Variants in ATG4C observed in about 807,000 individuals in gnomAD.
ATG4C encodes the protein autophagy related 4C cysteine peptidase, also known as cysteine protease ATG4C.
In ATG4C, 56 loss-of-function variants were observed where a neutral mutation model predicts 57.6. The ratio of observed to expected loss-of-function variants is 0.97; its 90% CI spans 0.78 to 1.21. ATG4C has a LOEUF of 1.21. ATG4C is among the 50% of genes most tolerant of loss of function. The probability of loss-of-function intolerance (pLI) is 0.00; values close to 1 mark genes in which losing one functional copy is unlikely to be tolerated. For synonymous variants in ATG4C, 157 were observed against 174.1 expected (o/e 0.90, Z 0.78); for missense variants, 595 against 529.8 (o/e 1.12, Z -1.21).
chr1:62,788,188 C>T (rs990980011), intron 1 of ATG4C, among the ~76,000 whole-genome samples: 2 of 152,050 alleles, frequency 1.3e-5, no homozygotes, highest in Non-Finnish European at 2.9e-5. Context: ...GCTTTTAGCT[C>T]TTATTGAATA....
intron 3 of ATG4C, 107 bp downstream of exon 3, chr1:62,805,362 G>T: frequency 7.6e-7 from 1 of 1,312,126 alleles, no homozygotes; most frequent in East Asian, 3.1e-5. Context: ...TTTCTTTTAA[G>T]TATTTGTATT....
In ATG4C at chr1:62,793,596, C is replaced by CG. The variant is rs1352193458; in HGVS notation, c.-69+9324dup. ...TGGGCAACAGAGTAAGACCTTGTCTCGAAAAAAAAAAAAAAAAAAAAAAAC... is the reference window on the plus strand; with the variant it reads ...TGGGCAACAGAGTAAGACCTTGTCTCGGAAAAAAAAAAAAAAAAAAAAAAAC... On this transcript the variant is annotated intron_variant, in intron 1 of 10. Coordinates refer to ENST00000317868, the MANE Select transcript of ATG4C (RefSeq NM_032852.4). Among the ~76,000 whole-genome samples, 120 of 30,692 alleles carry CG rather than the reference C, an allele frequency of 3.9e-3. 2 individuals carry two copies. Among genetic ancestry groups the CG allele is most frequent in the African/African-American group, 0.011 (90 of 8,040 alleles). The allele number at this position is 30,692 out of a possible 152,430, so 20.1% of individuals were successfully genotyped here.
At chr1:62,816,242 C>T (rs544295678) in intron 3 of ATG4C, among the ~76,000 whole-genome samples, 7 of 151,982 alleles carry the variant, frequency 4.6e-5, no homozygotes, top group Non-Finnish European at 8.8e-5. Flanking sequence ...AGTGAGAAAT[C>T]TAATATCGTC....
intron 10 of ATG4C, among the ~76,000 whole-genome samples, chr1:62,851,005 G>A (rs1262336723): frequency 2.0e-5 from 3 of 149,352 alleles, no homozygotes; most frequent in African/African-American, 7.3e-5. Context: ...GTTTCTTTTT[G>A]TATCCCCAGT....
At chr1:62,833,971 A>G (rs1014627591) in intron 7 of ATG4C, 67 bp from the exon 8 acceptor site, 7 of 1,367,392 alleles carry the variant, frequency 5.1e-6, no homozygotes, top group Non-Finnish European at 7.2e-6. Flanking sequence ...TTAGTAATAG[A>G]AATTTGTTTG....
chr1:62,809,852 A>G (rs1665015662), intron 3 of ATG4C, among the ~76,000 whole-genome samples: 1 of 152,136 alleles, frequency 6.6e-6, no homozygotes, highest in Non-Finnish European at 1.5e-5. Flanking sequence ...AATGCAAAAT[A>G]AAATGAGATA....
At chr1:62,814,688 A>G (rs1665205584) in intron 3 of ATG4C, among the ~76,000 whole-genome samples, 1 of 152,122 alleles carries the variant, frequency 6.6e-6, no homozygotes, top group Admixed American at 6.6e-5. Flanking sequence ...TTGTGTCTTT[A>G]CATTTAGAAT....
chr1:62,827,318 A>G (rs1665694319), intron 6 of ATG4C, among the ~76,000 whole-genome samples: 1 of 151,726 alleles, frequency 6.6e-6, no homozygotes, highest in Non-Finnish European at 1.5e-5. Context: ...TTCTGCCTTA[A>G]GATACTCGCA....
At position 62,802,672 on chromosome 1, in the gene ATG4C, A is replaced by AT. The variant is rs530563299; in HGVS notation, c.-68-1042dup. 5.1e-3 allele frequency among the ~76,000 whole-genome samples: 777 copies of AT among 152,210 alleles called. 2 individuals carry two copies. Among genetic ancestry groups the AT allele is most frequent in the Admixed American group, 7.4e-3 (113 of 15,288 alleles). On this transcript the variant is annotated intron_variant, in intron 1 of 10. Coordinates refer to ENST00000317868, the MANE Select transcript of ATG4C (RefSeq NM_032852.4). ...AATTGCTCTTAGGATAAAGAACAAA[A>AT]TTTTTAACCTGGTCTACAAGGCCGT...
intron 1 of ATG4C, among the ~76,000 whole-genome samples, chr1:62,792,320 A>T (rs112096229): frequency 3.9e-5 from 6 of 151,936 alleles, no homozygotes; most frequent in African/African-American, 1.2e-4. Flanking sequence ...TAATCCTTTC[A>T]CCAGTACCCT....
intron 2 of ATG4C, 68 bp downstream of exon 2, chr1:62,803,930 CT>C: frequency 1.1e-6 from 1 of 925,856 alleles, no homozygotes. Context: ...CATTTCCCCT[CT>C]TAAGTCACTG....
At chr1:62,803,146 T>C (rs894610875) in intron 1 of ATG4C, among the ~76,000 whole-genome samples, 1 of 152,198 alleles carries the variant, frequency 6.6e-6, no homozygotes, top group Non-Finnish European at 1.5e-5. Flanking sequence ...TTTTCCGTTA[T>C]AAATTTAAGC....
At chr1:62,839,791 TA>T (rs1176846025) in intron 9 of ATG4C, among the ~76,000 whole-genome samples, 30 of 152,290 alleles carry the variant, frequency 2.0e-4, no homozygotes, top group African/African-American at 7.2e-4. Flanking sequence ...TCTCAGTATA[TA>T]AAGTAAGTTA....
At chr1:62,853,663 C>T (rs1165328804) in intron 10 of ATG4C, among the ~76,000 whole-genome samples, 1 of 152,112 alleles carries the variant, frequency 6.6e-6, no homozygotes, top group African/African-American at 2.4e-5. Flanking sequence ...CCTGGCTGGT[C>T]GTGAACTCCT....
chr1:62,825,262 C>T (rs945095365), intron 6 of ATG4C, among the ~76,000 whole-genome samples: 8 of 150,212 alleles, frequency 5.3e-5, no homozygotes, highest in African/African-American at 2.4e-5. Context: ...AAAGCATGAG[C>T]CGTTGTGCCC....
At chr1:62,839,231 AT>A (rs914692209) in intron 9 of ATG4C, among the ~76,000 whole-genome samples, 49 of 151,458 alleles carry the variant, frequency 3.2e-4, no homozygotes, top group African/African-American at 1.2e-3. Context: ...GCTATTTAAA[AT>A]TTTTTTTTAG....
intron 1 of ATG4C, among the ~76,000 whole-genome samples, chr1:62,786,544 C>A (rs74076990): frequency 0.077 from 7,763 of 100,234 alleles, 627 homozygotes; most frequent in African/African-American, 0.31. Context: ...AAAAAAAAAA[C>A]AAGTGAAAAT....
intron 3 of ATG4C, among the ~76,000 whole-genome samples, chr1:62,808,155 G>C (rs1050882276): frequency 1.3e-5 from 2 of 152,218 alleles, no homozygotes; most frequent in African/African-American, 4.8e-5. Flanking sequence ...AAAGTCAGTA[G>C]ACAGGACATG....
chr1:62,814,303 G>A (rs1411886506), intron 3 of ATG4C, among the ~76,000 whole-genome samples: 1 of 152,148 alleles, frequency 6.6e-6, no homozygotes, highest in Non-Finnish European at 1.5e-5. Flanking sequence ...CAGGGACATG[G>A]ATGAAGCTGG....
Sources: allele counts gnomAD v4.1 joint callset (sites outside exome capture counted in the v4.1 genomes callset), GRCh38; gene constraint gnomAD v4.1.1; transcripts MANE v1.5; gene names NCBI Gene and HGNC (gene_info 2026-07-23, HGNC 2026-07-21).